The following ELAPOR2 variants were observed in gnomAD, a reference collection of about 807,000 sequenced individuals.
ELAPOR2 encodes the protein endosome-lysosome associated apoptosis and autophagy regulator family member 2.
In ELAPOR2, 89 loss-of-function variants were observed where a neutral mutation model predicts 120.7. That is an observed-to-expected ratio of 0.74 (90% CI 0.62 to 0.88). The LOEUF is 0.88. Ranked by LOEUF, ELAPOR2 falls within the 40% of genes least tolerant of loss-of-function variation. The pLI is 0.00. For missense variants in ELAPOR2, 1,134 were observed against 1,251.6 expected (o/e 0.91, Z 1.42); for synonymous variants, 444 against 444.9 (o/e 1.00, Z 0.03).
At chr7:86,892,635 C>G (rs948191080) in intron 20 of ELAPOR2, among the ~76,000 whole-genome samples, 1 of 152,048 alleles carries the variant, frequency 6.6e-6, no homozygotes, top group African/African-American at 2.4e-5. Flanking sequence ...TTCCAAATCT[C>G]AGCTCTGCTA....
At chr7:86,986,702 C>A (rs958914213) in intron 1 of ELAPOR2, among the ~76,000 whole-genome samples, 1 of 151,606 alleles carries the variant, frequency 6.6e-6, no homozygotes, top group Non-Finnish European at 1.5e-5. Flanking sequence ...AAAGAGGACA[C>A]AAACAAATGA....
intron 1 of ELAPOR2, among the ~76,000 whole-genome samples, chr7:87,046,066 C>T (rs1057208982): frequency 6.6e-6 from 1 of 152,024 alleles, no homozygotes; most frequent in South Asian, 2.1e-4. Flanking sequence ...AAAGACTCCA[C>T]CAAAAAACTA....
chr7:86,918,614 C>T, intron 11 of ELAPOR2, 70 bp from the exon 12 acceptor site: 1 of 995,682 alleles, frequency 1.0e-6, no homozygotes, highest in Non-Finnish European at 1.6e-6. Context: ...AATTAAGCCA[C>T]TATTTTTATT....
chr7:87,018,097 G>A (rs924020814), intron 1 of ELAPOR2, among the ~76,000 whole-genome samples: 8 of 151,960 alleles, frequency 5.3e-5, no homozygotes, highest in African/African-American at 1.9e-4. Context: ...GCCCAGTACA[G>A]TGGCGCAATC....
chr7:87,042,743 C>A (rs1371404335), intron 1 of ELAPOR2, among the ~76,000 whole-genome samples: 2 of 151,854 alleles, frequency 1.3e-5, no homozygotes, highest in African/African-American at 4.8e-5. Flanking sequence ...TAGCAGAAGG[C>A]AAGAAATAAC....
intron 21 of ELAPOR2, among the ~76,000 whole-genome samples, chr7:86,887,416 T>G (rs972756850): frequency 6.6e-6 from 1 of 152,078 alleles, no homozygotes; most frequent in African/African-American, 2.4e-5. Context: ...GGCAAATTGA[T>G]TACAAAATAC....
chr7:86,894,123 C>T lies in ELAPOR2; in HGVS notation c.2686-1023G>A, dbSNP rs143669106. ...GCAGTTAGTCATGAAGTGAAAGGGACATGAGACTCTTACTCACTTTGGGGA... is the reference window on the plus strand; with the variant it reads ...GCAGTTAGTCATGAAGTGAAAGGGATATGAGACTCTTACTCACTTTGGGGA... On this transcript the variant is annotated intron_variant, in intron 19 of 21. Transcript: ENST00000450689. Among the ~76,000 whole-genome samples the T allele has an allele frequency of 1.4e-4, 21 of 152,144 alleles. No homozygotes were observed. The East Asian group carries it at 2.3e-3, about 17-fold the overall frequency.
chr7:86,904,987 C>T (rs911741128), intron 18 of ELAPOR2, among the ~76,000 whole-genome samples: 2 of 151,508 alleles, frequency 1.3e-5, no homozygotes, highest in African/African-American at 4.9e-5. Context: ...GCATCTCCCT[C>T]CCTCCACTCT....
chr7:86,889,803 T>C (rs1279592687), intron 21 of ELAPOR2, among the ~76,000 whole-genome samples: 1 of 152,048 alleles, frequency 6.6e-6, no homozygotes, highest in Non-Finnish European at 1.5e-5. Context: ...TGTCCCCTTT[T>C]TGTCCAAATC....
chr7:87,039,912 C>T (rs900730492), intron 1 of ELAPOR2, among the ~76,000 whole-genome samples: 8 of 152,174 alleles, frequency 5.3e-5, no homozygotes, highest in East Asian at 3.9e-4. Flanking sequence ...AGTGGGTGCG[C>T]GCACCGTGCA....
intron 1 of ELAPOR2, among the ~76,000 whole-genome samples, chr7:87,034,613 T>C (rs1794524424): frequency 6.6e-6 from 1 of 152,092 alleles, no homozygotes. Context: ...TTGGTTCAAG[T>C]TATTTCCTGC....
Position 86,965,009 on chromosome 7 carries a change from C to A in ELAPOR2, c.205G>T (p.Glu69Ter). Reference protein sequence around the residue: ...PPCQEKDYHFEYTECDSSGSR... With the variant: ...PPCQEKDYHF ...CCACTGCTATCACATTCCGTATATT[C>A]AAAGTGATAATCTTTCTGCAAACAA... is the stretch of plus-strand genomic sequence containing the variant. Residue 69 changes from glutamate to a stop codon, truncating the protein, a stop_gained, in exon 2 of 22, where the codon GAA becomes TAA. Coordinates refer to ENST00000450689, the MANE Select transcript of ELAPOR2 (RefSeq NM_001142749.3). LOFTEE classifies it high-confidence loss of function. 1 of 1,551,520 alleles carries A rather than the reference C, an allele frequency of 6.4e-7. No individual in the cohort carries two copies. The highest frequency in any genetic ancestry group is 1.2e-5 in the South Asian group (1 of 84,054).
At chr7:86,889,992 G>T (rs564730840) in intron 21 of ELAPOR2, among the ~76,000 whole-genome samples, 13 of 151,806 alleles carry the variant, frequency 8.6e-5, no homozygotes, top group African/African-American at 2.9e-4. Context: ...ACTTCTGCTT[G>T]GTGTCCTATT....
chr7:87,029,238 G>A (rs141751002), intron 1 of ELAPOR2, among the ~76,000 whole-genome samples: 4 of 152,130 alleles, frequency 2.6e-5, no homozygotes, highest in African/African-American at 9.7e-5. Flanking sequence ...ATAAAAGAAG[G>A]GCTGAAAAAA....
In ELAPOR2 at chr7:86,877,416, A is replaced by G. The variant is rs1323635590; in HGVS notation, c.*3055T>C. ...AACTGCAATCATATTCATGATTACT[A>G]TAAATAGATATGAGGGAGGTTTAGT... On this transcript the variant is annotated 3_prime_UTR_variant, in exon 22 of 22. Coordinates refer to ENST00000450689, the MANE Select transcript of ELAPOR2 (RefSeq NM_001142749.3). 2.0e-5 allele frequency: 3 copies of G among 152,176 alleles called. No individual in the cohort carries two copies. Among genetic ancestry groups the G allele is most frequent in the African/African-American group, 4.8e-5 (2 of 41,444 alleles). 9.4% of individuals were successfully genotyped at this position (152,176 alleles called of 1,614,324 possible).
At chr7:86,939,573 G>A (rs1790714481) in intron 6 of ELAPOR2, among the ~76,000 whole-genome samples, 1 of 152,050 alleles carries the variant, frequency 6.6e-6, no homozygotes, top group Non-Finnish European at 1.5e-5. Flanking sequence ...GAAATTACCC[G>A]GTTGGCTCAG....
At chr7:86,911,508 T>C in intron 15 of ELAPOR2, 1 of 413,810 alleles carries the variant, frequency 2.4e-6, no homozygotes, top group Non-Finnish European at 4.7e-6. Context: ...ACCTCATATG[T>C]CCATTAAAAT....
chr7:86,973,060 TC>T (rs1420950404), intron 1 of ELAPOR2, among the ~76,000 whole-genome samples: 5 of 152,088 alleles, frequency 3.3e-5, no homozygotes, highest in Non-Finnish European at 4.4e-5. Context: ...CAATCTCATC[TC>T]CTGCTGTCCA....
chr7:86,888,124 G>T (rs1799778653), intron 21 of ELAPOR2, among the ~76,000 whole-genome samples: 1 of 152,012 alleles, frequency 6.6e-6, no homozygotes, highest in African/African-American at 2.4e-5. Flanking sequence ...TTATAGATAA[G>T]AGAGATAATG....
Sources: gnomAD v4.1 joint callset for allele counts (sites outside exome capture counted in the v4.1 genomes callset) on GRCh38, gnomAD v4.1.1 for gene constraint, MANE v1.5 for transcripts, NCBI Gene and HGNC (gene_info 2026-07-23, HGNC 2026-07-21) for gene names.